The following EPHA6 variants were observed in gnomAD, a reference collection of about 807,000 sequenced individuals.
The protein encoded by EPHA6 is EPH receptor A6.
EPHA6 carries 50 observed loss-of-function variants against 112.0 expected under a neutral mutation model. That is an observed-to-expected ratio of 0.45 (90% CI 0.36 to 0.56). The LOEUF is 0.56. EPHA6 is among the 20% of genes least tolerant of loss of function. The pLI is 0.00. For synonymous variants in EPHA6, 529 were observed against 490.7 expected, an observed-to-expected ratio of 1.08 and a Z score of -1.03; for missense variants, 1,280 against 1,417.4, an observed-to-expected ratio of 0.90 and a Z score of 1.56.
At chr3:97,363,903 C>G (rs542958753) in intron 5 of EPHA6, among the ~76,000 whole-genome samples, 1 of 151,880 alleles carries the variant, frequency 6.6e-6, no homozygotes, top group African/African-American at 2.4e-5. Flanking sequence ...AAGTCAGTCA[C>G]GAAAGGAGAA....
intron 7 of EPHA6, among the ~76,000 whole-genome samples, chr3:97,454,924 T>A (rs1282192153): frequency 6.6e-6 from 1 of 151,964 alleles, no homozygotes; most frequent in Non-Finnish European, 1.5e-5. Context: ...TTCATATTTA[T>A]GAGTCTACCC....
intron 6 of EPHA6, among the ~76,000 whole-genome samples, chr3:97,437,965 T>A (rs1279975256): frequency 6.6e-6 from 1 of 152,176 alleles, no homozygotes; most frequent in African/African-American, 2.4e-5. Flanking sequence ...ATTACCAAAT[T>A]TATGTGTGAT....
intron 3 of EPHA6, among the ~76,000 whole-genome samples, chr3:97,074,678 A>G (rs1316796769): frequency 6.6e-6 from 1 of 152,010 alleles, no homozygotes; most frequent in Non-Finnish European, 1.5e-5. Context: ...ACAAAATTCC[A>G]AGGATATTTT....
At chr3:96,840,069 G>A (rs1174350607) in intron 1 of EPHA6, among the ~76,000 whole-genome samples, 1 of 152,048 alleles carries the variant, frequency 6.6e-6, no homozygotes, top group Non-Finnish European at 1.5e-5. Flanking sequence ...TGTGCTGGCT[G>A]ATAAGTGCTC....
chr3:96,853,445 C>G (rs2035513423), intron 1 of EPHA6, among the ~76,000 whole-genome samples: 1 of 151,636 alleles, frequency 6.6e-6, no homozygotes, highest in South Asian at 2.1e-4. Flanking sequence ...TTTTTTTCCC[C>G]TCATTCTCCA....
At chr3:97,447,173 C>CT (rs1428924772) in intron 6 of EPHA6, among the ~76,000 whole-genome samples, 3 of 152,038 alleles carry the variant, frequency 2.0e-5, no homozygotes, top group African/African-American at 7.2e-5. Context: ...TAAGATAAGA[C>CT]TTTTTTCTGA....
intron 10 of EPHA6, among the ~76,000 whole-genome samples, chr3:97,490,866 A>C (rs6793036): frequency 0.068 from 10,371 of 152,230 alleles, 1,107 homozygotes; most frequent in African/African-American, 0.23. Flanking sequence ...TGTGGTCTCA[A>C]CTGAAGGTCA....
rs1255475185 is a variant in EPHA6, at chr3:97,608,309, T to G, written c.2513-2484T>G. ...TCTCCCAAAGAGTTATAGGTAGAACTAATTTCGAAGTACTGTATATTCACA... is the reference window on the plus strand; with the variant it reads ...TCTCCCAAAGAGTTATAGGTAGAACGAATTTCGAAGTACTGTATATTCACA... On this transcript the variant is annotated intron_variant, in intron 12 of 17. Transcript: ENST00000389672. 4.0e-5 allele frequency among the ~76,000 whole-genome samples: 6 copies of G among 151,292 alleles called. No homozygotes were observed. The Admixed American group carries it at 4.0e-4, about 10-fold the overall frequency.
intron 2 of EPHA6, among the ~76,000 whole-genome samples, chr3:96,935,104 G>A (rs1358709205): frequency 6.6e-6 from 1 of 151,684 alleles, no homozygotes; most frequent in Non-Finnish European, 1.5e-5. Context: ...TACTGTTTTA[G>A]CAACCTCTCT....
chr3:97,713,184 G>A (rs1367331719), intron 14 of EPHA6, among the ~76,000 whole-genome samples: 1 of 152,134 alleles, frequency 6.6e-6, no homozygotes, highest in Non-Finnish European at 1.5e-5. Context: ...TGGAGCAGAC[G>A]CTCTAGAGAG....
chr3:97,651,288 G>T (rs1250011694), intron 14 of EPHA6, among the ~76,000 whole-genome samples: 9 of 151,906 alleles, frequency 5.9e-5, no homozygotes, highest in African/African-American at 2.2e-4. Context: ...CAAAAGCAAT[G>T]AAAAATCTGC....
intron 2 of EPHA6, among the ~76,000 whole-genome samples, chr3:96,900,465 TACTGAAAATAAAA>T (rs1247649041): frequency 6.6e-6 from 1 of 152,238 alleles, no homozygotes; most frequent in African/African-American, 2.4e-5. Flanking sequence ...TTGCATGGAT[TACTGAAAATAAAA>T]TTAAGTGGTA....
intron 6 of EPHA6, among the ~76,000 whole-genome samples, chr3:97,418,904 T>G (rs1463079646): frequency 6.6e-6 from 1 of 152,186 alleles, no homozygotes; most frequent in Non-Finnish European, 1.5e-5. Context: ...TTACATAGCA[T>G]AGAGTGTGGC....
intron 5 of EPHA6, among the ~76,000 whole-genome samples, chr3:97,250,669 G>A (rs2079109605): frequency 6.6e-6 from 1 of 152,024 alleles, no homozygotes; most frequent in African/African-American, 2.4e-5. Flanking sequence ...TATGATATAA[G>A]GCTCTACTTT....
intron 11 of EPHA6, among the ~76,000 whole-genome samples, chr3:97,581,593 A>C (rs1315854130): frequency 4.6e-5 from 7 of 152,260 alleles, no homozygotes; most frequent in African/African-American, 1.7e-4. Context: ...ATTTTGTGCC[A>C]GGCACTTTAT....
At chr3:97,501,686 T>C (rs2092120985) in intron 10 of EPHA6, among the ~76,000 whole-genome samples, 1 of 152,080 alleles carries the variant, frequency 6.6e-6, no homozygotes, top group Non-Finnish European at 1.5e-5. Context: ...ACTAATGTGA[T>C]ACTTTAGAAG....
At position 97,333,392 on chromosome 3, in the gene EPHA6, G is replaced by A. The variant is rs1449999370; in HGVS notation, c.1607-71758G>A. ...TTTTGTGTTTTGTATATCCCTTGAGGTTTTTTGTGAAGACAGTCATGTCAT... is the reference window on the plus strand; with the variant it reads ...TTTTGTGTTTTGTATATCCCTTGAGATTTTTTGTGAAGACAGTCATGTCAT... On this transcript the variant is annotated intron_variant, in intron 5 of 17. Coordinates refer to ENST00000389672, the MANE Select transcript of EPHA6 (RefSeq NM_001080448.3). 2.0e-5 allele frequency among the ~76,000 whole-genome samples: 3 copies of A among 147,794 alleles called. No individual in the cohort carries two copies. In the East Asian group the frequency reaches 6.0e-4, roughly 29 times the overall value.
intron 5 of EPHA6, among the ~76,000 whole-genome samples, chr3:97,366,318 AATATTT>A (rs1298265961): frequency 1.3e-5 from 2 of 152,036 alleles, no homozygotes; most frequent in Non-Finnish European, 2.9e-5. Flanking sequence ...TACTTCAGCA[AATATTT>A]ATTCAGCATC....
intron 2 of EPHA6, among the ~76,000 whole-genome samples, chr3:96,938,023 G>C (rs1016549559): frequency 9.9e-5 from 15 of 152,216 alleles, no homozygotes; most frequent in South Asian, 2.1e-4. Flanking sequence ...TTGTAGTATA[G>C]TTTGAAGTCA....
Sources: allele counts gnomAD v4.1 joint callset (sites outside exome capture counted in the v4.1 genomes callset), GRCh38; gene constraint gnomAD v4.1.1; transcripts MANE v1.5; gene names NCBI Gene and HGNC (gene_info 2026-07-23, HGNC 2026-07-21).